IGFBP7: variants seen among roughly 807,000 people sequenced by gnomAD.
The protein encoded by IGFBP7 is insulin like growth factor binding protein 7, also known as insulin-like growth factor-binding protein 7.
In IGFBP7, 31 loss-of-function variants were observed where a neutral mutation model predicts 29.4. That is an observed-to-expected ratio of 1.05 (90% CI 0.79 to 1.42). The LOEUF (loss-of-function observed/expected upper bound fraction) is 1.42, where lower values mean the gene tolerates loss of function less well. Ranked by LOEUF, IGFBP7 falls within the 40% of genes most tolerant of loss-of-function variation. The probability of loss-of-function intolerance (pLI) is 0.00; values close to 1 mark genes in which losing one functional copy is unlikely to be tolerated. For missense variants in IGFBP7, 393 were observed against 395.5 expected (o/e 0.99, Z 0.05); for synonymous variants, 172 against 174.9 (o/e 0.98, Z 0.13).
At chr4:57,055,606 G>A (rs966175527) in intron 1 of IGFBP7, among the ~76,000 whole-genome samples, 2 of 151,662 alleles carry the variant, frequency 1.3e-5, no homozygotes, top group Non-Finnish European at 2.9e-5. Flanking sequence ...CACCAGCACC[G>A]CCACCACTTC....
intron 1 of IGFBP7, among the ~76,000 whole-genome samples, chr4:57,052,338 G>A (rs1724525521): frequency 6.6e-6 from 1 of 152,178 alleles, no homozygotes; most frequent in Admixed American, 6.5e-5. Context: ...TCTGAGGAAG[G>A]TGCTGGATTG....
Position 57,109,820 on chromosome 4 carries a change from T to C in IGFBP7, c.475+57A>G, listed in dbSNP as rs531792791. On this transcript the variant is annotated intron_variant, in intron 1 of 4. Coordinates refer to ENST00000295666, the MANE Select transcript of IGFBP7 (RefSeq NM_001553.3). ...AGGCCGCCGCGGACGCCCCGTCGGA[T>C]GTGCCCTTCGCTGGGCCGAGCGGCG... The C allele has an allele frequency of 7.3e-6, 11 of 1,497,598 alleles. No individual in the cohort carries two copies. In the African/African-American group the frequency reaches 1.6e-4, roughly 21 times the overall value. The allele number at this position is 1,497,598 out of a possible 1,614,324, so 92.8% of individuals were successfully genotyped here. A position where few individuals can be genotyped will look rare whatever the true frequency, so the allele number is the denominator to read the frequency against.
intron 1 of IGFBP7, among the ~76,000 whole-genome samples, chr4:57,060,186 C>CTGTA (rs1249959924): frequency 1.3e-5 from 2 of 152,196 alleles, no homozygotes; most frequent in Non-Finnish European, 2.9e-5. Context: ...ATCTCCTGGG[C>CTGTA]TGTAATCCCA....
intron 1 of IGFBP7, among the ~76,000 whole-genome samples, chr4:57,076,796 A>G (rs1725238030): frequency 6.6e-6 from 1 of 152,230 alleles, no homozygotes; most frequent in African/African-American, 2.4e-5. Context: ...ACTAAGATCA[A>G]AGAATCATTA....
At chr4:57,102,665 A>C (rs527462758) in intron 1 of IGFBP7, among the ~76,000 whole-genome samples, 1 of 152,336 alleles carries the variant, frequency 6.6e-6, no homozygotes, top group East Asian at 1.9e-4. Context: ...CTTGTTCTTT[A>C]GATTACTTTC....
chr4:57,042,241 G>C (rs1038504837), intron 1 of IGFBP7, among the ~76,000 whole-genome samples: 2 of 152,206 alleles, frequency 1.3e-5, no homozygotes, highest in Non-Finnish European at 2.9e-5. Flanking sequence ...ATGACTCTCT[G>C]GTCCTGGGTT....
At chr4:57,038,443 C>G (rs903287972) in intron 2 of IGFBP7, among the ~76,000 whole-genome samples, 2 of 152,156 alleles carry the variant, frequency 1.3e-5, no homozygotes, top group Non-Finnish European at 2.9e-5. Context: ...GCCCTTGAGG[C>G]TGGATCCCGC....
Position 57,050,468 on chromosome 4 carries a change from C to T in IGFBP7, c.476-9535G>A, listed in dbSNP as rs555793164. On this transcript the variant is annotated intron_variant, in intron 1 of 4. Coordinates refer to ENST00000295666, the MANE Select transcript of IGFBP7 (RefSeq NM_001553.3). The stretch of plus-strand genomic sequence containing the variant: ...CCATGTTGGCCAGGCTGGTCTCGAA[C>T]TCCTGACCTCAGGTGATCCACCTGC... Among the ~76,000 whole-genome samples, 4 of 151,974 alleles carry T rather than the reference C, an allele frequency of 2.6e-5. No individual in the cohort carries two copies. The South Asian group carries it at 8.3e-4, about 32-fold the overall frequency.
chr4:57,063,856 C>T lies in IGFBP7; in HGVS notation c.476-22923G>A, dbSNP rs549800823. Among the ~76,000 whole-genome samples the T allele has an allele frequency of 5.9e-5, 9 of 152,194 alleles. No homozygotes were observed. In the South Asian group the frequency reaches 1.0e-3, roughly 18 times the overall value. On this transcript the variant is annotated intron_variant, in intron 1 of 4. Coordinates refer to ENST00000295666, the MANE Select transcript of IGFBP7 (RefSeq NM_001553.3). ...TTTTTACCCTTATACTAACATAGAT[C>T]GTAAGTTAAATATCTATAAAACAGT... is the stretch of plus-strand genomic sequence containing the variant.
chr4:57,051,459 C>A (rs1324304350), intron 1 of IGFBP7, among the ~76,000 whole-genome samples: 1 of 152,220 alleles, frequency 6.6e-6, no homozygotes, highest in Admixed American at 6.5e-5. Flanking sequence ...GTTATGGAAG[C>A]TACTGTTAGT....
At chr4:57,043,052 C>G (rs1724270160) in intron 1 of IGFBP7, among the ~76,000 whole-genome samples, 1 of 152,222 alleles carries the variant, frequency 6.6e-6, no homozygotes, top group Non-Finnish European at 1.5e-5. Context: ...CTGCGCCTGT[C>G]CCCTGACGGC....
At chr4:57,093,757 G>A (rs747551647) in intron 1 of IGFBP7, among the ~76,000 whole-genome samples, 25 of 152,056 alleles carry the variant, frequency 1.6e-4, no homozygotes, top group Non-Finnish European at 2.6e-4. Context: ...CTTAGCTCAA[G>A]TCTAAGCAAA....
intron 2 of IGFBP7, among the ~76,000 whole-genome samples, chr4:57,040,454 G>A (rs1007271206): frequency 1.1e-4 from 16 of 152,134 alleles, no homozygotes; most frequent in African/African-American, 3.4e-4. Flanking sequence ...AGAAACGTAC[G>A]CTTTTAACCC....
chr4:57,067,290 C>T (rs186361820), intron 1 of IGFBP7, among the ~76,000 whole-genome samples: 16 of 152,286 alleles, frequency 1.1e-4, no homozygotes, highest in African/African-American at 3.6e-4. Flanking sequence ...TAACTGTGAG[C>T]CTCTATAACC....
intron 2 of IGFBP7, among the ~76,000 whole-genome samples, chr4:57,038,528 G>A (rs1311420586): frequency 2.0e-5 from 3 of 152,102 alleles, no homozygotes; most frequent in African/African-American, 7.2e-5. Context: ...CCGACTGCGG[G>A]AGCCACAGTC....
chr4:57,080,805 C>G (rs907849432), intron 1 of IGFBP7, among the ~76,000 whole-genome samples: 1 of 152,220 alleles, frequency 6.6e-6, no homozygotes, highest in African/African-American at 2.4e-5. Context: ...GGAGACAAAC[C>G]AAACAGCCAA....
intron 1 of IGFBP7, among the ~76,000 whole-genome samples, chr4:57,063,557 T>C (rs762504821): frequency 5.9e-5 from 9 of 152,236 alleles, no homozygotes; most frequent in Non-Finnish European, 1.2e-4. Flanking sequence ...TGGCTTTTGT[T>C]GTTGCAGATC....
chr4:57,061,243 G>A (rs1398622259), intron 1 of IGFBP7, among the ~76,000 whole-genome samples: 2 of 152,072 alleles, frequency 1.3e-5, no homozygotes, highest in Non-Finnish European at 2.9e-5. Flanking sequence ...CCCAGTGGAT[G>A]CCTGAAACTG....
intron 1 of IGFBP7, among the ~76,000 whole-genome samples, chr4:57,055,227 G>A (rs1724627840): frequency 6.6e-6 from 1 of 152,210 alleles, no homozygotes; most frequent in Non-Finnish European, 1.5e-5. Context: ...ATCTTATCCA[G>A]TGGTTGCCAA....
Sources: gnomAD v4.1 joint callset for allele counts (sites outside exome capture counted in the v4.1 genomes callset) on GRCh38, gnomAD v4.1.1 for gene constraint, MANE v1.5 for transcripts, NCBI Gene and HGNC (gene_info 2026-07-23, HGNC 2026-07-21) for gene names.